The following NXPH1 variants were observed in gnomAD, a reference collection of about 807,000 sequenced individuals.
NXPH1 encodes the protein neurexophilin-1.
A neutral mutation model predicts 23.7 loss-of-function variants in NXPH1; 5 were observed. The ratio of observed to expected loss-of-function variants is 0.21; its 90% CI spans 0.11 to 0.44. The LOEUF (loss-of-function observed/expected upper bound fraction) is 0.44. Ranked by LOEUF, NXPH1 falls within the 20% of genes least tolerant of loss-of-function variation. The pLI is 0.99. For missense variants in NXPH1, 324 were observed against 321.6 expected (o/e 1.01, Z -0.06); for synonymous variants, 144 against 122.2 (o/e 1.18, Z -1.18).
At chr7:8,724,576 C>G (rs1489178630) in intron 2 of NXPH1, among the ~76,000 whole-genome samples, 1 of 152,192 alleles carries the variant, frequency 6.6e-6, no homozygotes, top group Non-Finnish European at 1.5e-5. Context: ...TGTGACTTAT[C>G]TTACAGCATC....
intron 2 of NXPH1, among the ~76,000 whole-genome samples, chr7:8,524,726 T>G (rs7778999): frequency 0.018 from 2,755 of 152,194 alleles, 76 homozygotes; most frequent in African/African-American, 0.063. Flanking sequence ...ATAAGTCTCA[T>G]GAGATCTGAT....
At chr7:8,667,495 G>A (rs1820791467) in intron 2 of NXPH1, among the ~76,000 whole-genome samples, 1 of 150,006 alleles carries the variant, frequency 6.7e-6, no homozygotes, top group Admixed American at 6.6e-5. Flanking sequence ...TTTTGAATAT[G>A]CATTTGCCAT....
chr7:8,711,606 A>T (rs1193557036), intron 2 of NXPH1, among the ~76,000 whole-genome samples: 3 of 152,152 alleles, frequency 2.0e-5, no homozygotes, highest in Non-Finnish European at 4.4e-5. Flanking sequence ...GGTACTGAAG[A>T]GTATGCATGC....
Position 8,740,843 on chromosome 7 carries a change from C to G in NXPH1, c.55-10165C>G, listed in dbSNP as rs192940861. The stretch of plus-strand genomic sequence containing the variant: ...TTATGTATACACTGTGAAATGATTA[C>G]CACAACCAAGCTAATTAAAATATCC... On this transcript the variant is annotated intron_variant, in intron 2 of 2. Transcript: ENST00000405863. 1.2e-4 allele frequency among the ~76,000 whole-genome samples: 19 copies of G among 152,022 alleles called. No individual in the cohort carries two copies. In the East Asian group the frequency reaches 3.7e-3, roughly 29 times the overall value.
chr7:8,549,561 C>T (rs28433517), intron 2 of NXPH1, among the ~76,000 whole-genome samples: 1,587 of 151,522 alleles, frequency 0.01, 30 homozygotes, highest in African/African-American at 0.037. Context: ...TCTTCCCCCT[C>T]TATGGAAGAG....
intron 2 of NXPH1, among the ~76,000 whole-genome samples, chr7:8,636,594 AG>A (rs2115138914): frequency 6.6e-6 from 1 of 152,322 alleles, no homozygotes; most frequent in African/African-American, 2.4e-5. Context: ...CCAGTCATTT[AG>A]TGAGTATGGC....
intron 2 of NXPH1, among the ~76,000 whole-genome samples, chr7:8,566,076 G>A (rs1818540375): frequency 6.6e-6 from 1 of 151,718 alleles, no homozygotes; most frequent in African/African-American, 2.4e-5. Context: ...AGAGAATCCA[G>A]TTGTTATTGC....
chr7:8,658,697 T>C (rs1820619453), intron 2 of NXPH1, among the ~76,000 whole-genome samples: 1 of 152,226 alleles, frequency 6.6e-6, no homozygotes, highest in Non-Finnish European at 1.5e-5. Context: ...TATGTAGCAC[T>C]ATGTGTATTA....
intron 2 of NXPH1, among the ~76,000 whole-genome samples, chr7:8,646,173 C>A (rs1172245317): frequency 6.6e-6 from 1 of 152,038 alleles, no homozygotes; most frequent in Non-Finnish European, 1.5e-5. Flanking sequence ...AAGATTTTAA[C>A]TTTTTCTATG....
chr7:8,515,415 G>T (rs1024479), intron 2 of NXPH1, among the ~76,000 whole-genome samples: 102,821 of 152,022 alleles, frequency 0.68, 34,989 homozygotes, highest in African/African-American at 0.74. Flanking sequence ...CCTGGAGAGC[G>T]GCTACATTTC....
intron 2 of NXPH1, among the ~76,000 whole-genome samples, chr7:8,620,908 A>G (rs931244665): frequency 6.6e-6 from 1 of 152,168 alleles, no homozygotes; most frequent in Non-Finnish European, 1.5e-5. Flanking sequence ...CTCCCTTTGA[A>G]AAGGTAATTC....
intron 2 of NXPH1, among the ~76,000 whole-genome samples, chr7:8,713,776 A>G (rs1779833571): frequency 6.6e-6 from 1 of 152,218 alleles, no homozygotes; most frequent in Non-Finnish European, 1.5e-5. Context: ...ATTACCAGGC[A>G]GAGATTCGTG....
At chr7:8,466,364 T>A (rs988540161) in intron 2 of NXPH1, among the ~76,000 whole-genome samples, 1 of 152,328 alleles carries the variant, frequency 6.6e-6, no homozygotes, top group South Asian at 2.1e-4. Flanking sequence ...ATGGGAACGA[T>A]GAGCTCTTTT....
chr7:8,694,150 A>G (rs1158874269), intron 2 of NXPH1, among the ~76,000 whole-genome samples: 1 of 152,202 alleles, frequency 6.6e-6, no homozygotes, highest in East Asian at 1.9e-4. Context: ...ATGCTGGGGC[A>G]GACCAGTTAC....
chr7:8,560,970 G>A (rs896989182), intron 2 of NXPH1, among the ~76,000 whole-genome samples: 1 of 151,476 alleles, frequency 6.6e-6, no homozygotes, highest in African/African-American at 2.4e-5. Flanking sequence ...ACCTCTCCTA[G>A]GGTTTAGGAA....
At chr7:8,469,259 C>T (rs1042732789) in intron 2 of NXPH1, among the ~76,000 whole-genome samples, 1 of 151,936 alleles carries the variant, frequency 6.6e-6, no homozygotes, top group Admixed American at 6.6e-5. Flanking sequence ...TAGACTTTCA[C>T]ATGAATTTAT....
intron 2 of NXPH1, among the ~76,000 whole-genome samples, chr7:8,541,585 G>T (rs1183755501): frequency 6.6e-6 from 1 of 151,568 alleles, no homozygotes; most frequent in East Asian, 1.9e-4. Context: ...CATTAAAACT[G>T]GTTGCCACAT....
At chr7:8,683,362 T>C (rs1821088302) in intron 2 of NXPH1, among the ~76,000 whole-genome samples, 1 of 152,174 alleles carries the variant, frequency 6.6e-6, no homozygotes, top group African/African-American at 2.4e-5. Context: ...ATCCAAACTG[T>C]TACACTGGCT....
Position 8,659,005 on chromosome 7 carries a change from A to ATT in NXPH1, c.55-91989_55-91988dup, listed in dbSNP as rs1205362505. On this transcript the variant is annotated intron_variant, in intron 2 of 2. Coordinates refer to ENST00000405863, the MANE Select transcript of NXPH1 (RefSeq NM_152745.3). ...TAAGAATATGTATATATATATATAT[A>ATT]TTTTTTTTTTTTTTTGCTAAAACAG... Among the ~76,000 whole-genome samples, 31 of 73,244 alleles carry ATT rather than the reference A, an allele frequency of 4.2e-4. 5 individuals are homozygous for ATT. Among genetic ancestry groups the ATT allele is most frequent in the African/African-American group, 1.1e-3 (29 of 25,412 alleles). 48.1% of individuals were successfully genotyped at this position (73,244 alleles called of 152,430 possible). A position where few individuals can be genotyped will look rare whatever the true frequency, so the allele number is the denominator to read the frequency against.
Sources: gnomAD v4.1 joint callset for allele counts (sites outside exome capture counted in the v4.1 genomes callset) on GRCh38, gnomAD v4.1.1 for gene constraint, MANE v1.5 for transcripts, NCBI Gene and HGNC (gene_info 2026-07-23, HGNC 2026-07-21) for gene names.